SMG6: variants seen among roughly 807,000 people sequenced by gnomAD.
SMG6 encodes the protein telomerase-binding protein EST1A.
In SMG6, 66 loss-of-function variants were observed where a neutral mutation model predicts 142.2. That is an observed-to-expected ratio of 0.46 (90% confidence interval 0.38 to 0.57). SMG6 has a LOEUF of 0.57. SMG6 is among the 20% of genes least tolerant of loss of function. The probability of loss-of-function intolerance (pLI) is 0.00; values close to 1 mark genes in which losing one functional copy is unlikely to be tolerated. For missense variants in SMG6, 1,793 were observed against 1,832.0 expected (o/e 0.98, Z 0.39); for synonymous variants, 779 against 702.4 (o/e 1.11, Z -1.72).
intron 8 of SMG6, among the ~76,000 whole-genome samples, chr17:2,279,849 C>T (rs1272111378): frequency 6.6e-6 from 1 of 152,142 alleles, no homozygotes; most frequent in Non-Finnish European, 1.5e-5. Context: ...TTCATGCCTC[C>T]AAGTAGAAAT....
chr17:2,210,084 A>G (rs1392116796), intron 10 of SMG6, among the ~76,000 whole-genome samples: 1 of 152,028 alleles, frequency 6.6e-6, no homozygotes, highest in Non-Finnish European at 1.5e-5. Context: ...CCTTTGACCC[A>G]ATTTGGGAGT....
intron 13 of SMG6, among the ~76,000 whole-genome samples, chr17:2,146,730 T>C (rs1441143784): frequency 1.3e-5 from 2 of 152,138 alleles, no homozygotes; most frequent in East Asian, 3.9e-4. Context: ...CACGCCCGGC[T>C]AAGTTTTGTA....
At chr17:2,190,483 A>G (rs763273023) in intron 10 of SMG6, among the ~76,000 whole-genome samples, 1 of 152,150 alleles carries the variant, frequency 6.6e-6, no homozygotes, top group Non-Finnish European at 1.5e-5. Context: ...TTCTTTCACC[A>G]AGCCCAGTTC....
chr17:2,102,507 C>T (rs1174783340), intron 13 of SMG6, among the ~76,000 whole-genome samples: 2 of 151,024 alleles, frequency 1.3e-5, no homozygotes, highest in Non-Finnish European at 2.9e-5. Flanking sequence ...CAGGCGTGGA[C>T]CACCACATCC....
intron 15 of SMG6, among the ~76,000 whole-genome samples, chr17:2,076,426 T>C (rs1228120779): frequency 6.6e-6 from 1 of 152,116 alleles, no homozygotes; most frequent in Non-Finnish European, 1.5e-5. Context: ...CCTTGGATTT[T>C]CCCCCCTTAA....
chr17:2,292,642 A>G lies in SMG6; in HGVS notation c.2259-12T>C. The G allele has an allele frequency of 1.9e-6, 3 of 1,613,952 alleles. No homozygotes were observed. The highest frequency in any genetic ancestry group is 2.5e-6 in the Non-Finnish European group (3 of 1,179,888). Reference sequence around the variant, plus strand: ...CCTTCAGGTACCAACTAGAACAGAAAAAACAGTAAGAAAATGCTAGTTCCA... The same window carrying G: ...CCTTCAGGTACCAACTAGAACAGAAGAAACAGTAAGAAAATGCTAGTTCCA... On this transcript the variant is annotated splice_polypyrimidine_tract_variant and intron_variant, in intron 5 of 18. Transcript: ENST00000263073.
intron 10 of SMG6, among the ~76,000 whole-genome samples, chr17:2,232,497 T>C (rs1004314516): frequency 6.6e-6 from 1 of 152,178 alleles, no homozygotes; most frequent in African/African-American, 2.4e-5. Context: ...TTCCCAGAAC[T>C]GTTGCCTTCT....
intron 10 of SMG6, among the ~76,000 whole-genome samples, chr17:2,201,347 C>G (rs1050857973): frequency 6.6e-6 from 1 of 152,164 alleles, no homozygotes; most frequent in Non-Finnish European, 1.5e-5. Flanking sequence ...TGAACAATAA[C>G]AAGCATTGGA....
At chr17:2,108,091 A>G (rs942416817) in intron 13 of SMG6, among the ~76,000 whole-genome samples, 1 of 152,052 alleles carries the variant, frequency 6.6e-6, no homozygotes, top group Non-Finnish European at 1.5e-5. Context: ...TTTGTTTTTT[A>G]CATCCAATGC....
intron 13 of SMG6, among the ~76,000 whole-genome samples, chr17:2,140,105 C>G (rs1211564234): frequency 2.6e-5 from 4 of 152,012 alleles, no homozygotes; most frequent in African/African-American, 9.7e-5. Flanking sequence ...CTCTGTCACC[C>G]ATGCTGGAGT....
chr17:2,292,993 C>A lies in SMG6; in HGVS notation c.2152-16G>T, dbSNP rs1377988473. On this transcript the variant is annotated splice_polypyrimidine_tract_variant and intron_variant, in intron 4 of 18. Coordinates refer to ENST00000263073, the MANE Select transcript of SMG6 (RefSeq NM_017575.5). ...CATATTTTACCTTCAGGAAAAACAA[C>A]CAGTTAGTAGAAAAGCCAAGAAACA... 6.3e-7 allele frequency: 1 copy of A among 1,583,180 alleles called. No individual in the cohort carries two copies. The highest frequency in any genetic ancestry group is 2.2e-5 in the East Asian group (1 of 44,746).
chr17:2,298,151 G>T, intron 2 of SMG6, 96 bp from the exon 3 acceptor site: 1 of 1,145,780 alleles, frequency 8.7e-7, no homozygotes, highest in African/African-American at 1.6e-5. Context: ...ACCTCCCCTG[G>T]CAGGAAATAA....
chr17:2,239,654 A>G (rs934157175), intron 9 of SMG6, among the ~76,000 whole-genome samples: 1 of 152,228 alleles, frequency 6.6e-6, no homozygotes, highest in Non-Finnish European at 1.5e-5. Context: ...TGGTAGGAAT[A>G]TGGGTAATTT....
intron 15 of SMG6, among the ~76,000 whole-genome samples, chr17:2,073,986 G>C (rs907665267): frequency 1.3e-5 from 2 of 151,954 alleles, no homozygotes; most frequent in Admixed American, 6.6e-5. Context: ...GGCTGAGGCA[G>C]GAGAATCGCT....
At position 2,292,984 on chromosome 17, in the gene SMG6, G is replaced by A; in HGVS notation, c.2152-7C>T. 1 of 1,601,398 alleles carries A rather than the reference G, an allele frequency of 6.2e-7. No individual in the cohort carries two copies. The highest frequency in any genetic ancestry group is 1.1e-5 in the South Asian group (1 of 90,808). On this transcript the variant is annotated splice_polypyrimidine_tract_variant and splice_region_variant and intron_variant, in intron 4 of 18. Coordinates refer to ENST00000263073, the MANE Select transcript of SMG6 (RefSeq NM_017575.5). ...TGATCAAGGCATATTTTACCTTCAG[G>A]AAAAACAACCAGTTAGTAGAAAAGC...
At chr17:2,291,038 G>T (rs928662058) in intron 6 of SMG6, among the ~76,000 whole-genome samples, 10 of 152,150 alleles carry the variant, frequency 6.6e-5, no homozygotes, top group African/African-American at 2.4e-4. Flanking sequence ...TGATGAAAAT[G>T]TTCTGACACA....
intron 8 of SMG6, among the ~76,000 whole-genome samples, chr17:2,272,929 C>CA (rs1264305762): frequency 0.013 from 1,755 of 134,758 alleles, 32 homozygotes; most frequent in African/African-American, 0.039. Flanking sequence ...AACTCTGTCT[C>CA]AAAAAAAAAA....
intron 13 of SMG6, among the ~76,000 whole-genome samples, chr17:2,118,417 T>C (rs750765926): frequency 3.3e-5 from 5 of 152,104 alleles, no homozygotes; most frequent in Non-Finnish European, 5.9e-5. Context: ...TGTGCACCTG[T>C]AGTCCCAGTT....
At chr17:2,137,260 T>C (rs1286120407) in intron 13 of SMG6, among the ~76,000 whole-genome samples, 1 of 152,136 alleles carries the variant, frequency 6.6e-6, no homozygotes, top group Non-Finnish European at 1.5e-5. Context: ...CACTAATAGG[T>C]AGACAGGAGA....
Sources: gnomAD v4.1 joint callset for allele counts (sites outside exome capture counted in the v4.1 genomes callset) on GRCh38, gnomAD v4.1.1 for gene constraint, MANE v1.5 for transcripts, NCBI Gene and HGNC (gene_info 2026-07-23, HGNC 2026-07-21) for gene names.